SLC4A4: variants seen among roughly 807,000 people sequenced by gnomAD.
SLC4A4 encodes the protein electrogenic sodium bicarbonate cotransporter 1.
A neutral mutation model predicts 111.5 loss-of-function variants in SLC4A4; 27 were observed. The ratio of observed to expected loss-of-function variants is 0.24; its 90% CI spans 0.18 to 0.33. The LOEUF is 0.33. SLC4A4 is among the 10% of genes least tolerant of loss of function. The pLI, the probability that SLC4A4 is intolerant of heterozygous loss-of-function variation, is 1.00. For synonymous variants in SLC4A4, 443 were observed against 463.4 expected (o/e 0.96, Z 0.57); for missense variants, 909 against 1,315.5 (o/e 0.69, Z 4.78).
At position 71,453,560 on chromosome 4, in the gene SLC4A4, A is replaced by G; in HGVS notation, c.1388A>G (p.Asp463Gly). Residue 463 changes from aspartate to glycine, a missense_variant, in exon 12 of 26, where the codon GAT becomes GGT. Around this residue, in one of 7 missense-constraint regions of SLC4A4, gnomAD observed 312 missense variants for 402.0 expected, o/e 0.78. Transcript: ENST00000264485. The part of the protein sequence containing the change: ...KAPFFASDFY[D>G]ALNIQALSAI... ...CCATTTTTTGCCAGTGATTTTTATG[A>G]TGCTTTAAATATTCAAGCTCTTTCG... 2.5e-6 allele frequency: 4 copies of G among 1,613,892 alleles called. No individual in the cohort carries two copies. Among genetic ancestry groups the G allele is most frequent in the Non-Finnish European group, 3.4e-6 (4 of 1,179,818 alleles).
intron 7 of SLC4A4, chr4:71,437,662 A>C (rs1335967716): frequency 8.1e-6 from 4 of 494,036 alleles, no homozygotes; most frequent in Admixed American, 2.0e-5. Flanking sequence ...TTTTAATAAG[A>C]TGCTGAGAGC....
At chr4:71,530,821 G>A (rs999147033) in intron 16 of SLC4A4, among the ~76,000 whole-genome samples, 2 of 152,168 alleles carry the variant, frequency 1.3e-5, no homozygotes, top group Non-Finnish European at 2.9e-5. Flanking sequence ...TCTCTTTCAA[G>A]AAATCCTTTG....
intron 16 of SLC4A4, among the ~76,000 whole-genome samples, chr4:71,527,774 G>A (rs1200496657): frequency 3.9e-5 from 6 of 152,086 alleles, no homozygotes; most frequent in Middle Eastern, 6.8e-3. Flanking sequence ...AAATCCAAGT[G>A]GAGGTGTCAG....
In SLC4A4 at chr4:71,356,866, T is replaced by G. The variant is rs1219323526; in HGVS notation, c.551-142T>G. ...ATCTGTGTACCCTGTGTCTTTATCTTTTACATAAAATGGGAAATTAGAAAT... is the reference window on the plus strand; with the variant it reads ...ATCTGTGTACCCTGTGTCTTTATCTGTTACATAAAATGGGAAATTAGAAAT... On this transcript the variant is annotated intron_variant, in intron 5 of 25. Transcript: ENST00000264485. The G allele has an allele frequency of 4.1e-6, 3 of 737,222 alleles. No individual in the cohort carries two copies. The African/African-American group carries it at 5.3e-5, about 13-fold the overall frequency. 45.7% of individuals were successfully genotyped at this position (737,222 alleles called of 1,614,324 possible). A position where few individuals can be genotyped will look rare whatever the true frequency, so the allele number is the denominator to read the frequency against.
At chr4:71,537,781 CT>C (rs1428721894) in intron 18 of SLC4A4, among the ~76,000 whole-genome samples, 1 of 151,896 alleles carries the variant, frequency 6.6e-6, no homozygotes, top group African/African-American at 2.4e-5. Flanking sequence ...TATCTCCCAT[CT>C]ATGCCCTCTC....
chr4:71,427,303 C>A (rs1002673482), intron 7 of SLC4A4, among the ~76,000 whole-genome samples: 2 of 151,960 alleles, frequency 1.3e-5, no homozygotes, highest in Admixed American at 6.6e-5. Flanking sequence ...ATGAATGTTA[C>A]TGAATGCATG....
intron 7 of SLC4A4, among the ~76,000 whole-genome samples, chr4:71,426,843 A>G (rs1032401505): frequency 7.2e-5 from 11 of 152,262 alleles, no homozygotes; most frequent in Non-Finnish European, 1.3e-4. Flanking sequence ...ACATTCCTAT[A>G]ACTTCTAATC....
At chr4:71,230,678 C>T (rs1279174705) in intron 1 of SLC4A4, among the ~76,000 whole-genome samples, 4 of 152,156 alleles carry the variant, frequency 2.6e-5, no homozygotes, top group Non-Finnish European at 2.9e-5. Context: ...GTGCCATCCC[C>T]GATGCCTTTT....
rs574686268 is a variant in SLC4A4, at chr4:71,536,309, G to A, written c.2442+1921G>A. ...CTTTTAATGGGGGAATGGCAAGGTC[G>A]TATTACAGAAAACCGTGTAAGATAG... On this transcript the variant is annotated intron_variant, in intron 18 of 25. Transcript: ENST00000264485. 2.4e-3 allele frequency among the ~76,000 whole-genome samples: 361 copies of A among 150,944 alleles called. 2 individuals are homozygous for A. Among genetic ancestry groups the A allele is most frequent in the Non-Finnish European group, 4.3e-3 (289 of 67,734 alleles).
chr4:71,424,598 CCAACAAT>C (rs1208783203), intron 7 of SLC4A4, among the ~76,000 whole-genome samples: 1 of 152,050 alleles, frequency 6.6e-6, no homozygotes, highest in Non-Finnish European at 1.5e-5. Context: ...ACCCAAATGT[CCAACAAT>C]GATAGACTGA....
chr4:71,447,447 A>C (rs1433190043), intron 8 of SLC4A4, among the ~76,000 whole-genome samples, 199 bp from the exon 9 acceptor site: 1 of 152,224 alleles, frequency 6.6e-6, no homozygotes, highest in Non-Finnish European at 1.5e-5. Flanking sequence ...TTTGCCTCCA[A>C]ATAAACTGAA....
Position 71,567,019 on chromosome 4 carries a change from C to T in SLC4A4, c.3212C>T (p.Thr1071Ile), listed in dbSNP as rs745768466. ...SKPSDRERSPTFLERHTSC is the reference protein window; with the variant it reads ...SKPSDRERSPIFLERHTSC Reference sequence around the variant, plus strand: ...TATTTTCCAGGAGAAAGATCACCAACATTCCTTGAACGCCACACATCATGC... The same window carrying T: ...TATTTTCCAGGAGAAAGATCACCAATATTCCTTGAACGCCACACATCATGC... Residue 1071 changes from threonine (T) to isoleucine (I), a missense_variant, in exon 25 of 26, where the codon ACA becomes ATA. Transcript: ENST00000264485. 1 of 1,610,110 alleles carries T rather than the reference C, an allele frequency of 6.2e-7. No individual in the cohort carries two copies. The highest frequency in any genetic ancestry group is 1.1e-5 in the South Asian group (1 of 90,840).
chr4:71,111,511 C>T (rs1743084113), intron 2 of SLC4A4, among the ~76,000 whole-genome samples: 1 of 143,906 alleles, frequency 6.9e-6, no homozygotes, highest in African/African-American at 2.6e-5. Context: ...CAGGTGCCTG[C>T]CACCACGCTC....
At chr4:71,110,838 G>A (rs1743065685) in intron 2 of SLC4A4, among the ~76,000 whole-genome samples, 1 of 152,094 alleles carries the variant, frequency 6.6e-6, no homozygotes, top group Admixed American at 6.5e-5. Flanking sequence ...TTAGTTCTGT[G>A]TACAATACAA....
chr4:71,444,064 T>C (rs1725010108), intron 8 of SLC4A4, among the ~76,000 whole-genome samples: 1 of 152,208 alleles, frequency 6.6e-6, no homozygotes, highest in Non-Finnish European at 1.5e-5. Context: ...CACTGTTGTT[T>C]TGAGAGAAGG....
chr4:71,452,449 A>G (rs114515766), intron 11 of SLC4A4, among the ~76,000 whole-genome samples: 1,541 of 152,270 alleles, frequency 0.01, 38 homozygotes, highest in African/African-American at 0.035. Flanking sequence ...GCCTGGTACC[A>G]TGCATAGCCC....
At chr4:71,224,399 G>A (rs1364079979) in intron 1 of SLC4A4, among the ~76,000 whole-genome samples, 1 of 152,226 alleles carries the variant, frequency 6.6e-6, no homozygotes, top group Non-Finnish European at 1.5e-5. Context: ...TTGACATTGA[G>A]TGGGTAAGAG....
In SLC4A4 at chr4:71,181,811, C is replaced by T. The variant is rs573629656; in HGVS notation, c.-1-54765C>T. On this transcript the variant is annotated intron_variant, in intron 2 of 26. Coordinates refer to the SLC4A4 transcript ENST00000649996. ...TCAGAAAGACCTTCCTTGACCCCCC[C>T]ACTTGAAAGCAGCTGTCCCTTGCCC... Among the ~76,000 whole-genome samples the T allele has an allele frequency of 3.3e-5, 5 of 152,272 alleles. No individual in the cohort carries two copies. The South Asian group carries it at 6.2e-4, about 19-fold the overall frequency.
intron 2 of SLC4A4, among the ~76,000 whole-genome samples, chr4:71,246,288 G>T (rs928032017): frequency 6.6e-6 from 1 of 152,154 alleles, no homozygotes; most frequent in Non-Finnish European, 1.5e-5. Flanking sequence ...AGGTAACCTT[G>T]GTAGGAGTTG....
Sources: gnomAD v4.1 joint callset for allele counts (sites outside exome capture counted in the v4.1 genomes callset) on GRCh38, gnomAD v4.1.1 for gene constraint, gnomAD v4.1.1 regional missense constraint, MANE v1.5 for transcripts, NCBI Gene and HGNC (gene_info 2026-07-23, HGNC 2026-07-21) for gene names.